PALLD: variants seen among roughly 807,000 people sequenced by gnomAD.
The protein encoded by PALLD is palladin, cytoskeletal associated protein.
PALLD carries 61 observed loss-of-function variants against 123.5 expected under a neutral mutation model. That is an observed-to-expected ratio of 0.49 (90% CI 0.40 to 0.61). The LOEUF is 0.61. Ranked by LOEUF, PALLD falls within the 20% of genes least tolerant of loss-of-function variation. The pLI is 0.00. For missense variants in PALLD, 1,273 were observed against 1,377.0 expected (o/e 0.92, Z 1.20); for synonymous variants, 465 against 496.4 (o/e 0.94, Z 0.84).
chr4:168,600,112 T>G (rs1352731150), intron 2 of PALLD, among the ~76,000 whole-genome samples: 1 of 152,102 alleles, frequency 6.6e-6, no homozygotes, highest in Non-Finnish European at 1.5e-5. Context: ...CACACATATA[T>G]ATACATACAT....
At chr4:168,669,170 A>T (rs1425935892) in intron 3 of PALLD, among the ~76,000 whole-genome samples, 1 of 152,186 alleles carries the variant, frequency 6.6e-6, no homozygotes, top group Non-Finnish European at 1.5e-5. Flanking sequence ...GTACTTTTTT[A>T]AACTATTTAA....
intron 2 of PALLD, among the ~76,000 whole-genome samples, chr4:168,558,428 G>A (rs970455613): frequency 6.6e-6 from 1 of 152,174 alleles, no homozygotes; most frequent in African/African-American, 2.4e-5. Flanking sequence ...AAGCGGTAGA[G>A]GTGGCCCTTC....
chr4:168,827,966 G>A (rs1200786031), intron 10 of PALLD, among the ~76,000 whole-genome samples: 2 of 152,126 alleles, frequency 1.3e-5, no homozygotes, highest in Non-Finnish European at 2.9e-5. Context: ...GCGTGAACCC[G>A]GGAGGCGGAG....
intron 2 of PALLD, among the ~76,000 whole-genome samples, chr4:168,592,753 A>T (rs1315767650): frequency 6.6e-6 from 1 of 152,012 alleles, no homozygotes; most frequent in Non-Finnish European, 1.5e-5. Flanking sequence ...GCTCATCTTC[A>T]TCTACAATGT....
chr4:168,658,522 A>G (rs1363429768), intron 2 of PALLD, among the ~76,000 whole-genome samples: 1 of 151,968 alleles, frequency 6.6e-6, no homozygotes, highest in African/African-American at 2.4e-5. Flanking sequence ...CCTGGGCTGA[A>G]GTGATCCTTC....
At position 168,560,818 on chromosome 4, in the gene PALLD, C is replaced by T. The variant is rs187806551; in HGVS notation, c.908+48406C>T. Among the ~76,000 whole-genome samples the T allele has an allele frequency of 1.5e-3, 223 of 152,306 alleles. 2 individuals carry two copies. The highest frequency in any genetic ancestry group is 1.1e-3 in the Non-Finnish European group (76 of 68,034). On this transcript the variant is annotated intron_variant, in intron 2 of 21. Coordinates refer to ENST00000505667, the MANE Select transcript of PALLD (RefSeq NM_001166108.2). Reference sequence around the variant, plus strand: ...AAGCTTTAACCCTTATATCCATATTCACAGAAAGCTGACCTACCAGTTGAA... The same window carrying T: ...AAGCTTTAACCCTTATATCCATATTTACAGAAAGCTGACCTACCAGTTGAA...
intron 2 of PALLD, among the ~76,000 whole-genome samples, chr4:168,584,545 T>G (rs193300281): frequency 2.6e-5 from 4 of 152,348 alleles, no homozygotes; most frequent in African/African-American, 7.2e-5. Flanking sequence ...TGTGATTGCC[T>G]TCATGAAAAG....
chr4:168,832,510 C>T (rs1581685655), intron 10 of PALLD, among the ~76,000 whole-genome samples: 1 of 152,340 alleles, frequency 6.6e-6, no homozygotes, highest in Admixed American at 6.5e-5. Context: ...CCCCCACGGC[C>T]CCCCGCCCCT....
intron 10 of PALLD, among the ~76,000 whole-genome samples, chr4:168,735,825 T>A (rs948465787): frequency 2.6e-5 from 4 of 152,192 alleles, no homozygotes; most frequent in Non-Finnish European, 2.9e-5. Flanking sequence ...AAGCGAGGAT[T>A]AGTTGTATCC....
intron 10 of PALLD, among the ~76,000 whole-genome samples, chr4:168,807,742 G>T (rs562014776): frequency 2.0e-4 from 30 of 151,988 alleles, no homozygotes; most frequent in Admixed American, 2.0e-4. Flanking sequence ...TTTCACTCTC[G>T]TTGCCCAGGC....
At chr4:168,823,382 T>G (rs1485007257) in intron 10 of PALLD, among the ~76,000 whole-genome samples, 1 of 152,154 alleles carries the variant, frequency 6.6e-6, no homozygotes, top group African/African-American at 2.4e-5. Context: ...AGCTCAAGAA[T>G]CAGAAATCCC....
chr4:168,679,047 G>A (rs1781186052), intron 3 of PALLD, among the ~76,000 whole-genome samples: 3 of 140,964 alleles, frequency 2.1e-5, no homozygotes, highest in Non-Finnish European at 3.1e-5. Flanking sequence ...GTGTGGTGTG[G>A]GTGTGTGTAG....
In PALLD at chr4:168,794,502, A is replaced by ACG. The variant is rs1554083986; in HGVS notation, c.1964+82580_1964+82581insGC. The stretch of plus-strand genomic sequence containing the variant: ...CGCACACACACATGCACGCACACAC[A>ACG]CACGCACACACACACACACACACAC... On this transcript the variant is annotated intron_variant, in intron 10 of 21. Coordinates refer to ENST00000505667, the MANE Select transcript of PALLD (RefSeq NM_001166108.2). Among the ~76,000 whole-genome samples the ACG allele has an allele frequency of 7.9e-3, 1,075 of 136,120 alleles. 39 individuals carry two copies. The East Asian group carries it at 0.16, about 20-fold the overall frequency. The allele number at this position is 136,120 out of a possible 152,430, so 89.3% of individuals were successfully genotyped here.
chr4:168,811,854 G>C (rs1741209706), intron 10 of PALLD, among the ~76,000 whole-genome samples: 1 of 151,272 alleles, frequency 6.6e-6, no homozygotes, highest in Non-Finnish European at 1.5e-5. Flanking sequence ...TATTATGGTG[G>C]CTTCTGTTCA....
At position 168,878,271 on chromosome 4, in the gene PALLD, C is replaced by T. The variant is rs1170732221; in HGVS notation, c.1965-12651C>T. 5.2e-6 allele frequency: 8 copies of T among 1,526,430 alleles called. No individual in the cohort carries two copies. The highest frequency in any genetic ancestry group is 1.2e-5 in the South Asian group (1 of 82,890). 94.6% of individuals were successfully genotyped at this position (1,526,430 alleles called of 1,614,324 possible). ...AGCCCGGGACAGGCGTCCCACTGCTCGTCGCCTGCCACCCGCTTCGGCCAC... is the reference window on the plus strand; with the variant it reads ...AGCCCGGGACAGGCGTCCCACTGCTTGTCGCCTGCCACCCGCTTCGGCCAC... On this transcript the variant is annotated intron_variant, in intron 10 of 21. Coordinates refer to ENST00000505667, the MANE Select transcript of PALLD (RefSeq NM_001166108.2).
At chr4:168,547,460 T>C (rs1580248674) in intron 2 of PALLD, among the ~76,000 whole-genome samples, 2 of 151,004 alleles carry the variant, frequency 1.3e-5, no homozygotes, top group East Asian at 3.9e-4. Context: ...GTGGCTCATG[T>C]CTGTAATCCT....
chr4:168,760,844 A>G (rs372339338), intron 10 of PALLD, among the ~76,000 whole-genome samples: 195 of 152,348 alleles, frequency 1.3e-3, no homozygotes, highest in African/African-American at 4.4e-3. Context: ...AACTTTCAAA[A>G]TCTATTTTGA....
At chr4:168,503,530 C>T (rs1385564984) in intron 1 of PALLD, among the ~76,000 whole-genome samples, 1 of 151,760 alleles carries the variant, frequency 6.6e-6, no homozygotes, top group Non-Finnish European at 1.5e-5. Context: ...GCCTGTAGTC[C>T]CAGCTACTCA....
intron 10 of PALLD, among the ~76,000 whole-genome samples, chr4:168,777,391 G>A (rs1735316782): frequency 6.6e-6 from 1 of 152,186 alleles, no homozygotes; most frequent in Non-Finnish European, 1.5e-5. Flanking sequence ...GCCTTAGACT[G>A]AAATAGAATC....
Sources: allele counts gnomAD v4.1 joint callset (sites outside exome capture counted in the v4.1 genomes callset), GRCh38; gene constraint gnomAD v4.1.1; transcripts MANE v1.5; gene names NCBI Gene and HGNC (gene_info 2026-07-23, HGNC 2026-07-21).